Variants in MYRFL observed in about 807,000 individuals in gnomAD.
The protein encoded by MYRFL is myelin regulatory factor like.
Under a neutral mutation model 109.4 loss-of-function variants are expected in MYRFL, and 88 were observed. The observed-to-expected ratio is 0.80, with a 90% CI of 0.68 to 0.96. The LOEUF is 0.96. Among genes scored for constraint, MYRFL ranks in the 40% least tolerant of loss-of-function variants. The pLI is 0.00. For missense variants in MYRFL, 957 were observed against 954.9 expected, an observed-to-expected ratio of 1.00 and a Z score of -0.03; for synonymous variants, 324 against 320.9, an observed-to-expected ratio of 1.01 and a Z score of -0.10.
At position 69,897,261 on chromosome 12, in the gene MYRFL, C is replaced by G; in HGVS notation, c.1182+15C>G. Reference sequence around the variant, plus strand: ...TCATTGTAAGGGTAAGCTCAGTTCTCTGACTTTTCTGGATCTCACATGCTT... The same window carrying G: ...TCATTGTAAGGGTAAGCTCAGTTCTGTGACTTTTCTGGATCTCACATGCTT... On this transcript the variant is annotated intron_variant, in intron 10 of 24. Coordinates refer to ENST00000552032, the MANE Select transcript of MYRFL (RefSeq NM_182530.3). The G allele has an allele frequency of 6.6e-7, 1 of 1,526,196 alleles. No individual in the cohort carries two copies. Among genetic ancestry groups the G allele is most frequent in the Non-Finnish European group, 8.8e-7 (1 of 1,137,918 alleles). The allele number at this position is 1,526,196 out of a possible 1,614,324, so 94.5% of individuals were successfully genotyped here. A position where few individuals can be genotyped will look rare whatever the true frequency, so the allele number is the denominator to read the frequency against.
chr12:69,888,112 C>T (rs1433005453), intron 6 of MYRFL, among the ~76,000 whole-genome samples: 4 of 152,198 alleles, frequency 2.6e-5, no homozygotes, highest in African/African-American at 7.2e-5. Context: ...TATTTGAAAA[C>T]ATTTTTAAGT....
chr12:69,889,569 G>C (rs1250535581), intron 6 of MYRFL, among the ~76,000 whole-genome samples: 1 of 152,042 alleles, frequency 6.6e-6, no homozygotes, highest in Non-Finnish European at 1.5e-5. Flanking sequence ...AAAAATTTTG[G>C]ATCGGCTGGG....
At chr12:69,836,032 G>T (rs1381762501) in intron 1 of MYRFL, among the ~76,000 whole-genome samples, 3 of 152,218 alleles carry the variant, frequency 2.0e-5, no homozygotes, top group Non-Finnish European at 4.4e-5. Flanking sequence ...GGAAGAATCG[G>T]ATCACACGTG....
intron 19 of MYRFL, among the ~76,000 whole-genome samples, chr12:69,939,982 T>C (rs1090650): frequency 0.99 from 149,901 of 151,880 alleles, 74,001 homozygotes; most frequent in Middle Eastern, 1. Flanking sequence ...TGAAATGAAG[T>C]GAGAAGGAAA....
chr12:69,945,570 T>G (rs1955806748), intron 19 of MYRFL, among the ~76,000 whole-genome samples: 1 of 152,204 alleles, frequency 6.6e-6, no homozygotes, highest in South Asian at 2.1e-4. Context: ...ACAGTGAAAT[T>G]GCCTAATGAC....
intron 11 of MYRFL, among the ~76,000 whole-genome samples, chr12:69,909,695 T>C (rs1467602771): frequency 1.3e-5 from 2 of 152,184 alleles, no homozygotes; most frequent in Admixed American, 6.5e-5. Context: ...GTAGTGACAG[T>C]TGGGACAGCC....
At chr12:69,872,790 C>T (rs372429222) in intron 2 of MYRFL, among the ~76,000 whole-genome samples, 3 of 152,044 alleles carry the variant, frequency 2.0e-5, no homozygotes, top group Non-Finnish European at 2.9e-5. Flanking sequence ...TGAGCCACCA[C>T]GCCTGGCCTT....
chr12:69,864,283 A>T (rs1445146220), intron 2 of MYRFL, among the ~76,000 whole-genome samples: 1 of 120,152 alleles, frequency 8.3e-6, no homozygotes, highest in East Asian at 1.9e-4. Context: ...CAAGAATGCA[A>T]ATGTTAGACC....
At chr12:69,839,228 G>T (rs947212752) in intron 1 of MYRFL, among the ~76,000 whole-genome samples, 2 of 152,104 alleles carry the variant, frequency 1.3e-5, no homozygotes, top group South Asian at 2.1e-4. Flanking sequence ...AGAAAGAACA[G>T]GTTCTGACTC....
At chr12:69,843,227 A>G (rs560076986) in intron 1 of MYRFL, among the ~76,000 whole-genome samples, 13 of 152,282 alleles carry the variant, frequency 8.5e-5, no homozygotes, top group African/African-American at 2.6e-4. Context: ...CGAAATATCT[A>G]TTAACATTTC....
intron 15 of MYRFL, among the ~76,000 whole-genome samples, chr12:69,928,765 A>G (rs553498438): frequency 1.3e-5 from 2 of 152,326 alleles, no homozygotes; most frequent in Admixed American, 1.3e-4. Flanking sequence ...TAGGGGAGCT[A>G]AAGCTCTTTG....
intron 2 of MYRFL, among the ~76,000 whole-genome samples, chr12:69,877,911 T>C (rs1217056899): frequency 6.6e-6 from 1 of 152,174 alleles, no homozygotes; most frequent in Non-Finnish European, 1.5e-5. Context: ...ACAGAGATTT[T>C]CACACTTCTT....
At chr12:69,870,113 T>A (rs1231971548) in intron 2 of MYRFL, among the ~76,000 whole-genome samples, 5 of 141,840 alleles carry the variant, frequency 3.5e-5, no homozygotes, top group Non-Finnish European at 6.2e-5. Context: ...TTTTTTTTTT[T>A]TTTTTTTTTT....
intron 15 of MYRFL, among the ~76,000 whole-genome samples, chr12:69,931,569 C>T (rs1163192906): frequency 6.6e-6 from 1 of 152,114 alleles, no homozygotes; most frequent in East Asian, 1.9e-4. Flanking sequence ...CTTATTCTAC[C>T]CAATAAATTA....
At chr12:69,922,895 A>G (rs531805367) in intron 13 of MYRFL, among the ~76,000 whole-genome samples, 16 of 152,244 alleles carry the variant, frequency 1.1e-4, no homozygotes, top group African/African-American at 3.4e-4. Context: ...ATACTCTATC[A>G]TTTCTTCTTC....
chr12:69,883,703 AAG>A (rs1457835331), intron 5 of MYRFL, among the ~76,000 whole-genome samples: 7 of 99,794 alleles, frequency 7.0e-5, no homozygotes, highest in Non-Finnish European at 1.5e-4. Flanking sequence ...TCTCTACAAA[AAG>A]TAAAAAAAAA....
chr12:69,860,511 T>A (rs1884583297), intron 2 of MYRFL, among the ~76,000 whole-genome samples: 1 of 152,188 alleles, frequency 6.6e-6, no homozygotes, highest in South Asian at 2.1e-4. Flanking sequence ...TTTTTCCCTA[T>A]CTAATTGGAC....
chr12:69,926,117 C>CTTTTTTTTTTTTT (rs147973443), intron 13 of MYRFL, among the ~76,000 whole-genome samples: 3 of 84,852 alleles, frequency 3.5e-5, no homozygotes, highest in Admixed American at 1.3e-4. Flanking sequence ...TCTTCTTCTT[C>CTTTTTTTTTTTTT]TTTTTTTTTT....
At chr12:69,869,216 C>T (rs569886622) in intron 2 of MYRFL, among the ~76,000 whole-genome samples, 1 of 152,310 alleles carries the variant, frequency 6.6e-6, no homozygotes, top group Non-Finnish European at 1.5e-5. Context: ...TCTGCCCTGG[C>T]AGGGCACCCA....
Sources: allele counts gnomAD v4.1 joint callset (sites outside exome capture counted in the v4.1 genomes callset), GRCh38; gene constraint gnomAD v4.1.1; transcripts MANE v1.5; gene names NCBI Gene and HGNC (gene_info 2026-07-23, HGNC 2026-07-21).